MEIS2: variants seen among roughly 807,000 people sequenced by gnomAD.
MEIS2 encodes the protein Meis homeobox 2.
A neutral mutation model predicts 58.6 loss-of-function variants in MEIS2; 9 were observed. The observed-to-expected ratio is 0.15, with a 90% confidence interval of 0.09 to 0.27. The LOEUF is 0.27. MEIS2 is among the 10% of genes least tolerant of loss of function. The pLI, the probability that MEIS2 is intolerant of heterozygous loss-of-function variation, is 1.00. For missense variants in MEIS2, 427 were observed against 635.0 expected (o/e 0.67, Z 3.52); for synonymous variants, 221 against 228.4 (o/e 0.97, Z 0.29).
intron 9 of MEIS2, among the ~76,000 whole-genome samples, chr15:36,911,025 A>G (rs1180238480): frequency 6.8e-6 from 1 of 147,374 alleles, no homozygotes; most frequent in Non-Finnish European, 1.5e-5. Flanking sequence ...AGCCTGGGTG[A>G]CAGAGCGCGA....
At chr15:36,912,523 T>C (rs2057079320) in intron 9 of MEIS2, among the ~76,000 whole-genome samples, 1 of 152,118 alleles carries the variant, frequency 6.6e-6, no homozygotes, top group African/African-American at 2.4e-5. Flanking sequence ...AACTGTACAA[T>C]AAAGGAAGGA....
chr15:37,047,899 A>G (rs2062740243), intron 7 of MEIS2, among the ~76,000 whole-genome samples: 1 of 152,206 alleles, frequency 6.6e-6, no homozygotes, highest in South Asian at 2.1e-4. Context: ...TGTAACTGTA[A>G]ATATAAATAG....
intron 8 of MEIS2, among the ~76,000 whole-genome samples, chr15:37,007,310 A>G (rs927127806): frequency 2.6e-5 from 4 of 152,152 alleles, no homozygotes; most frequent in African/African-American, 9.7e-5. Flanking sequence ...GGGAGGATCA[A>G]TGGAAGCCAG....
At chr15:36,909,336 T>TTTA (rs1271865618) in intron 9 of MEIS2, among the ~76,000 whole-genome samples, 22 of 152,148 alleles carry the variant, frequency 1.4e-4, no homozygotes, top group Non-Finnish European at 1.2e-4. Flanking sequence ...CATCTTAAGT[T>TTTA]TTATTATTGA....
At chr15:36,932,254 G>C (rs1490122411) in intron 9 of MEIS2, among the ~76,000 whole-genome samples, 3 of 152,118 alleles carry the variant, frequency 2.0e-5, no homozygotes, top group Non-Finnish European at 4.4e-5. Context: ...AAGAGATGCC[G>C]AGTTGCATGA....
intron 8 of MEIS2, among the ~76,000 whole-genome samples, chr15:37,018,980 A>G (rs2061435114): frequency 6.6e-6 from 1 of 152,180 alleles, no homozygotes; most frequent in Non-Finnish European, 1.5e-5. Flanking sequence ...CCCACACTAC[A>G]TTAACTCCAG....
chr15:36,912,087 T>C (rs1390104366), intron 9 of MEIS2, among the ~76,000 whole-genome samples: 1 of 152,158 alleles, frequency 6.6e-6, no homozygotes, highest in Non-Finnish European at 1.5e-5. Context: ...CAAATTATGG[T>C]TCCATTTTCA....
At chr15:37,096,614 C>G in intron 2 of MEIS2, 184 bp from the exon 3 acceptor site, 1 of 614,392 alleles carries the variant, frequency 1.6e-6, no homozygotes, top group Non-Finnish European at 2.5e-6. Context: ...GGGAAAAGGG[C>G]CTGGCCCTCT....
chr15:37,075,900 T>A (rs1322233142), intron 7 of MEIS2, among the ~76,000 whole-genome samples: 2 of 149,986 alleles, frequency 1.3e-5, no homozygotes, highest in Admixed American at 6.7e-5. Context: ...TCTTTCATTA[T>A]TTTTTTTTTC....
At chr15:36,951,715 T>C (rs1400112703) in intron 8 of MEIS2, among the ~76,000 whole-genome samples, 1 of 152,150 alleles carries the variant, frequency 6.6e-6, no homozygotes, top group Non-Finnish European at 1.5e-5. Context: ...AAGATGATAA[T>C]GTTGAGTTAA....
At chr15:36,923,605 A>G (rs2057612251) in intron 9 of MEIS2, among the ~76,000 whole-genome samples, 1 of 152,220 alleles carries the variant, frequency 6.6e-6, no homozygotes, top group Admixed American at 6.5e-5. Flanking sequence ...GATCACCACT[A>G]GCTGAGATTC....
chr15:36,946,058 A>G (rs1378089503), intron 9 of MEIS2, among the ~76,000 whole-genome samples: 5 of 151,978 alleles, frequency 3.3e-5, no homozygotes, highest in Non-Finnish European at 7.4e-5. Context: ...TTAAGTTAAT[A>G]TTATAATTCT....
intron 8 of MEIS2, among the ~76,000 whole-genome samples, chr15:36,952,359 G>A (rs2058781646): frequency 6.6e-6 from 1 of 152,042 alleles, no homozygotes; most frequent in African/African-American, 2.4e-5. Context: ...TTAGAGCCTA[G>A]GTTTATAGGT....
At chr15:36,951,885 C>A (rs1449374213) in intron 8 of MEIS2, among the ~76,000 whole-genome samples, 1 of 152,080 alleles carries the variant, frequency 6.6e-6, no homozygotes, top group Non-Finnish European at 1.5e-5. Flanking sequence ...TTAGTAATGA[C>A]CCCTTCACTG....
intron 6 of MEIS2, among the ~76,000 whole-genome samples, chr15:37,088,097 G>C (rs759770826): frequency 2.0e-5 from 3 of 152,162 alleles, no homozygotes; most frequent in African/African-American, 7.2e-5. Context: ...CCTCTCACCA[G>C]TCAGGTGAAC....
At chr15:37,088,603 T>C (rs1256403794) in intron 6 of MEIS2, among the ~76,000 whole-genome samples, 2 of 152,170 alleles carry the variant, frequency 1.3e-5, no homozygotes, top group African/African-American at 4.8e-5. Context: ...AGGAGACCTA[T>C]GTGTGCTTTC....
At chr15:37,087,231 C>T (rs1052369885) in intron 6 of MEIS2, among the ~76,000 whole-genome samples, 6 of 152,148 alleles carry the variant, frequency 3.9e-5, no homozygotes, top group Non-Finnish European at 5.9e-5. Context: ...AAGGAGTGAA[C>T]ATGTTTCTAT....
chr15:37,041,048 C>T lies in MEIS2; in HGVS notation c.755-4089G>A, dbSNP rs116948094. On this transcript the variant is annotated intron_variant, in intron 7 of 11. Coordinates refer to ENST00000561208, the MANE Select transcript of MEIS2 (RefSeq NM_170675.5). The stretch of plus-strand genomic sequence containing the variant: ...TTACTCCCATGAATGAGGTTAGCAG[C>T]CACAGTGAGTAACTGCAATCTGGCC... Among the ~76,000 whole-genome samples the T allele has an allele frequency of 4.8e-3, 727 of 152,284 alleles. 3 individuals are homozygous for T. Among genetic ancestry groups the T allele is most frequent in the Non-Finnish European group, 7.4e-3 (503 of 68,014 alleles).
intron 8 of MEIS2, among the ~76,000 whole-genome samples, chr15:37,016,937 T>C (rs1325096765): frequency 6.6e-6 from 1 of 152,366 alleles, no homozygotes; most frequent in East Asian, 1.9e-4. Context: ...CACAATATTT[T>C]TCTAAAATTA....
Sources: allele counts gnomAD v4.1 joint callset (sites outside exome capture counted in the v4.1 genomes callset), GRCh38; gene constraint gnomAD v4.1.1; transcripts MANE v1.5; gene names NCBI Gene and HGNC (gene_info 2026-07-23, HGNC 2026-07-21).